UNC79: variants seen among roughly 807,000 people sequenced by gnomAD.
UNC79 encodes protein unc-79 homolog.
UNC79 carries 37 observed loss-of-function variants against 283.1 expected under a neutral mutation model. That is an observed-to-expected ratio of 0.13 (90% CI 0.10 to 0.17). The LOEUF is 0.17. Among genes scored for constraint, UNC79 ranks in the 10% least tolerant of loss-of-function variants. UNC79 has a pLI of 1.00. For missense variants in UNC79, 2,272 were observed against 3,211.1 expected, an observed-to-expected ratio of 0.71 and a Z score of 7.07; for synonymous variants, 1,107 against 1,200.2, an observed-to-expected ratio of 0.92 and a Z score of 1.61.
At chr14:93,371,121 C>T (rs116636699) in intron 1 of UNC79, among the ~76,000 whole-genome samples, 129 of 151,944 alleles carry the variant, frequency 8.5e-4, no homozygotes, top group African/African-American at 2.9e-3. Flanking sequence ...GGTGGCTCAC[C>T]CCTGTACCCT....
At chr14:93,441,952 G>A (rs910073836) in intron 1 of UNC79, among the ~76,000 whole-genome samples, 1 of 152,026 alleles carries the variant, frequency 6.6e-6, no homozygotes, top group African/African-American at 2.4e-5. Context: ...CTGAGTTTTG[G>A]CAAGTTTATA....
intron 1 of UNC79, among the ~76,000 whole-genome samples, chr14:93,361,627 CAT>C (rs60435065): frequency 0.035 from 5,297 of 152,136 alleles, 314 homozygotes; most frequent in African/African-American, 0.12. Context: ...GATATAGGAT[CAT>C]ATCTACAAAG....
At chr14:93,533,071 G>GTTTTTTTTTAA (rs2060904916) in intron 11 of UNC79, among the ~76,000 whole-genome samples, 1 of 151,212 alleles carries the variant, frequency 6.6e-6, no homozygotes, top group Non-Finnish European at 1.5e-5. Flanking sequence ...ATTTCCTTTA[G>GTTTTTTTTTAA]TTTTTTTTTA....
intron 1 of UNC79, among the ~76,000 whole-genome samples, chr14:93,433,940 G>A (rs1396629884): frequency 1.3e-5 from 2 of 152,176 alleles, no homozygotes; most frequent in Admixed American, 6.5e-5. Flanking sequence ...GTGGCCGGGC[G>A]CAGTGGCTCA....
intron 20 of UNC79, among the ~76,000 whole-genome samples, chr14:93,585,444 G>T (rs1194249852): frequency 6.6e-6 from 1 of 152,182 alleles, no homozygotes; most frequent in Non-Finnish European, 1.5e-5. Flanking sequence ...ATCATGGTCA[G>T]ATATGTCCAC....
Position 93,469,212 on chromosome 14 carries a change from A to G in UNC79, c.143+1421A>G, listed in dbSNP as rs979318451. 3.3e-5 allele frequency among the ~76,000 whole-genome samples: 5 copies of G among 152,216 alleles called. 1 individual carries two copies. Among genetic ancestry groups the G allele is most frequent in the South Asian group, 4.1e-4 (2 of 4,826 alleles). ...TTGAAAAGTCACGTTTGCAAGACGT[A>G]AAGATTCCATTTTCTTGAGCAGTGG... is the stretch of plus-strand genomic sequence containing the variant. On this transcript the variant is annotated intron_variant, in intron 2 of 48. Coordinates refer to ENST00000555664, the Ensembl canonical transcript of UNC79.
intron 5 of UNC79, among the ~76,000 whole-genome samples, chr14:93,494,370 A>C (rs1484496824): frequency 6.6e-6 from 1 of 152,174 alleles, no homozygotes; most frequent in Non-Finnish European, 1.5e-5. Flanking sequence ...GGGGACACAG[A>C]TGCAAACTGT....
At chr14:93,687,516 A>G (rs763042349) in intron 43 of UNC79, among the ~76,000 whole-genome samples, 8 of 152,182 alleles carry the variant, frequency 5.3e-5, no homozygotes, top group Non-Finnish European at 8.8e-5. Context: ...CTTTTTGATA[A>G]TTAGGAGCTA....
chr14:93,348,601 A>C (rs2053917794), intron 1 of UNC79, among the ~76,000 whole-genome samples: 1 of 149,574 alleles, frequency 6.7e-6, no homozygotes, highest in Non-Finnish European at 1.5e-5. Flanking sequence ...TGAGAAGTAC[A>C]ACCATTTCTT....
At chr14:93,489,615 T>A (rs1466720709) in intron 5 of UNC79, among the ~76,000 whole-genome samples, 2 of 152,246 alleles carry the variant, frequency 1.3e-5, no homozygotes, top group East Asian at 3.9e-4. Context: ...AAAATTACCT[T>A]TTTTGACTTG....
chr14:93,619,484 G>C (rs1031335039), intron 29 of UNC79, among the ~76,000 whole-genome samples: 3 of 152,140 alleles, frequency 2.0e-5, no homozygotes, highest in Admixed American at 6.6e-5. Context: ...TTTTTCAAAG[G>C]ATATTTTTCC....
chr14:93,340,571 C>CT (rs1182617864), intron 1 of UNC79, among the ~76,000 whole-genome samples: 2,569 of 135,766 alleles, frequency 0.019, 59 homozygotes, highest in South Asian at 0.056. Context: ...GTAGGAGAAA[C>CT]TTTTTTTTTT....
chr14:93,361,380 G>T (rs1345819144), intron 1 of UNC79, among the ~76,000 whole-genome samples: 3 of 151,894 alleles, frequency 2.0e-5, no homozygotes, highest in Non-Finnish European at 4.4e-5. Context: ...AGCTGGGCAT[G>T]GTGGCCTGTG....
exon 1 of UNC79, chr14:93,333,318 A>G (rs1202629492): frequency 7.5e-6 from 3 of 398,964 alleles, no homozygotes; most frequent in Admixed American, 8.8e-5. Flanking sequence ...ACATTATTAA[A>G]TGTATCAGAA....
At chr14:93,622,233 C>T (rs762097106) in exon 30 of UNC79, 3 of 1,614,154 alleles carry the variant, frequency 1.9e-6, no homozygotes, top group Non-Finnish European at 2.5e-6. Flanking sequence ...GCTGCCTCTT[C>T]TCCCTCCGTC....
In UNC79 at chr14:93,474,581, C is replaced by A. The variant is rs1275422685; in HGVS notation, c.448+188C>A. Among the ~76,000 whole-genome samples, 1 of 152,046 alleles carries A rather than the reference C, an allele frequency of 6.6e-6. No homozygotes were observed. The highest frequency in any genetic ancestry group is 1.5e-5 in the Non-Finnish European group (1 of 68,016). On this transcript the variant is annotated intron_variant, in intron 3 of 48. Transcript: ENST00000555664. This position sits in a 1 kb window ranked among gnomAD's most constrained non-coding sequence, Gnocchi z 4.1. The stretch of plus-strand genomic sequence containing the variant: ...ACTATTATTTTACACTGTTTTATTG[C>A]CAGAGGGATGTTATCCAAGTGGAGT...
chr14:93,528,927 A>G (rs1396287381), intron 9 of UNC79, among the ~76,000 whole-genome samples: 1 of 152,224 alleles, frequency 6.6e-6, no homozygotes, highest in African/African-American at 2.4e-5. Context: ...GGCCACAGAG[A>G]AAAACAGATG....
In UNC79 at chr14:93,372,400, C is replaced by T. The variant is rs922963859; in HGVS notation, c.-351+38877C>T. On this transcript the variant is annotated intron_variant, in intron 1 of 49. Coordinates refer to the UNC79 transcript ENST00000256339. ...GAGATTGTCAGAGTGGACCAGAAGA[C>T]GTGACCCAACTATATATTGTCTGCA... Among the ~76,000 whole-genome samples the T allele has an allele frequency of 9.9e-5, 15 of 152,204 alleles. No individual in the cohort carries two copies. The East Asian group carries it at 1.7e-3, about 18-fold the overall frequency.
intron 5 of UNC79, among the ~76,000 whole-genome samples, chr14:93,489,520 TC>T (rs1241141866): frequency 6.6e-6 from 1 of 152,066 alleles, no homozygotes; most frequent in Non-Finnish European, 1.5e-5. Context: ...GACATTCCCA[TC>T]CAAAAGGGAG....
Sources: allele counts gnomAD v4.1 joint callset (sites outside exome capture counted in the v4.1 genomes callset), GRCh38; gene constraint gnomAD v4.1.1; non-coding constraint Gnocchi (gnomAD v3.1); transcripts MANE v1.5; gene names NCBI Gene and HGNC (gene_info 2026-07-23, HGNC 2026-07-21).